SLC5A7: variants seen among roughly 807,000 people sequenced by gnomAD.
SLC5A7 encodes the protein high affinity choline transporter 1.
Under a neutral mutation model 55.4 loss-of-function variants are expected in SLC5A7, and 19 were observed. The ratio of observed to expected loss-of-function variants is 0.34; its 90% CI spans 0.24 to 0.50. The LOEUF is 0.50. Ranked by LOEUF, SLC5A7 falls within the 20% of genes least tolerant of loss-of-function variation. The probability of loss-of-function intolerance (pLI) is 0.98; values close to 1 mark genes in which losing one functional copy is unlikely to be tolerated. For synonymous variants in SLC5A7, 265 were observed against 263.7 expected (o/e 1.00, Z -0.05); for missense variants, 506 against 705.3 (o/e 0.72, Z 3.20).
At chr2:108,004,502 T>C (rs1456365831) in intron 6 of SLC5A7, among the ~76,000 whole-genome samples, 1 of 152,196 alleles carries the variant, frequency 6.6e-6, no homozygotes, top group Non-Finnish European at 1.5e-5. Context: ...CAGAGCCCAG[T>C]GAGAGAGACA....
intron 5 of SLC5A7, 137 bp downstream of exon 5, chr2:107,998,123 A>T (rs1677746756): frequency 3.6e-6 from 3 of 840,396 alleles, no homozygotes; most frequent in Non-Finnish European, 5.0e-6. Context: ...ATGAAATTTC[A>T]AATTTCTCCA....
intron 7 of SLC5A7, among the ~76,000 whole-genome samples, chr2:108,006,804 T>G (rs370793678): frequency 2.0e-5 from 3 of 152,154 alleles, no homozygotes; most frequent in African/African-American, 7.2e-5. Flanking sequence ...AGTCACAGGC[T>G]TAGAGACGTT....
intron 2 of SLC5A7, among the ~76,000 whole-genome samples, chr2:107,989,039 G>A (rs567857513): frequency 6.6e-6 from 1 of 152,292 alleles, no homozygotes; most frequent in East Asian, 1.9e-4. Context: ...GTGTTAGCAG[G>A]AGCTGATATT....
At position 107,992,217 on chromosome 2, in the gene SLC5A7, T is replaced by A; in HGVS notation, c.290T>A (p.Leu97Ter). Residue 97 changes from leucine (L) to a stop codon, truncating the protein, a stop_gained and splice_region_variant, in exon 3 of 9, where the codon TTA becomes TAA. Transcript: ENST00000264047. LOFTEE classifies it high-confidence loss of function. ...APIGYSLSLILGGLFFAKPMR... is the reference protein window; with the variant it reads ...APIGYSLSLI ...ATTGGATATTCTCTTAGTCTGATTT[T>A]AGGTAAGTGAAAGTGCAAATCTCAG... 1 of 1,600,322 alleles carries A rather than the reference T, an allele frequency of 6.2e-7. No individual in the cohort carries two copies. The highest frequency in any genetic ancestry group is 8.6e-7 in the Non-Finnish European group (1 of 1,167,654).
At chr2:108,007,007 A>G (rs1678150091) in intron 7 of SLC5A7, among the ~76,000 whole-genome samples, 1 of 152,198 alleles carries the variant, frequency 6.6e-6, no homozygotes, top group Non-Finnish European at 1.5e-5. Context: ...GAGCATTATG[A>G]AATGTTTATC....
chr2:108,006,144 C>T lies in SLC5A7; in HGVS notation c.837C>T (p.Phe279=), dbSNP rs369809428. Reference sequence around the variant, plus strand: ...AAGTGCTGTCCTTCCTGGCAGCTTTCGGGTGCCTGGTGATGGCCATCCCAG... The same window carrying T: ...AAGTGCTGTCCTTCCTGGCAGCTTTTGGGTGCCTGGTGATGGCCATCCCAG... The part of the protein sequence containing the change: ...YAQVLSFLAA[F]GCLVMAIPAI... The change falls in exon 7 of 9, where the codon TTC becomes TTT. Residue 279 remains phenylalanine (F), a synonymous_variant. Transcript: ENST00000264047. The T allele has an allele frequency of 4.0e-5, 65 of 1,614,030 alleles. No homozygotes were observed. The South Asian group carries it at 5.3e-4, about 13-fold the overall frequency.
At chr2:108,006,848 C>CT (rs1678143174) in intron 7 of SLC5A7, among the ~76,000 whole-genome samples, 1 of 152,152 alleles carries the variant, frequency 6.6e-6, no homozygotes, top group African/African-American at 2.4e-5. Flanking sequence ...CTAAAGATCA[C>CT]TTTGAACTTG....
chr2:107,999,669 A>C (rs981105513), intron 5 of SLC5A7, among the ~76,000 whole-genome samples: 1 of 152,176 alleles, frequency 6.6e-6, no homozygotes, highest in Non-Finnish European at 1.5e-5. Flanking sequence ...CTTACCCCTT[A>C]GACCACCTTC....
intron 4 of SLC5A7, among the ~76,000 whole-genome samples, chr2:107,994,510 C>T (rs193021739): frequency 1.1e-4 from 17 of 151,984 alleles, no homozygotes; most frequent in Non-Finnish European, 2.1e-4. Context: ...GGCGTGAACC[C>T]GGGAGGCAGA....
intron 8 of SLC5A7, 91 bp from the exon 9 acceptor site, chr2:108,010,141 A>C: frequency 6.8e-7 from 1 of 1,463,174 alleles, no homozygotes; most frequent in South Asian, 1.4e-5. Flanking sequence ...AATTCTTTAG[A>C]CCAGTTTTGA....
chr2:107,999,347 A>G (rs1677797663), intron 5 of SLC5A7, among the ~76,000 whole-genome samples: 1 of 152,182 alleles, frequency 6.6e-6, no homozygotes, highest in African/African-American at 2.4e-5. Context: ...AGCTCTCATA[A>G]CTGATGCACT....
intron 4 of SLC5A7, among the ~76,000 whole-genome samples, chr2:107,997,152 T>A (rs1677701206): frequency 6.6e-6 from 1 of 152,220 alleles, no homozygotes; most frequent in Non-Finnish European, 1.5e-5. Context: ...CGTTTGGTAA[T>A]GTAATGACGT....
intron 5 of SLC5A7, among the ~76,000 whole-genome samples, chr2:108,001,230 GA>G (rs1677881994): frequency 1.3e-5 from 2 of 148,192 alleles, no homozygotes; most frequent in African/African-American, 5.0e-5. Flanking sequence ...TGTGTGTGTA[GA>G]TAGACAGTCA....
rs750567333 is a variant in SLC5A7, at chr2:108,006,189, T to C, written c.882T>C (p.Ile294=). 1.9e-6 allele frequency: 3 copies of C among 1,613,990 alleles called. No homozygotes were observed. The highest frequency in any genetic ancestry group is 3.3e-5 in the Admixed American group (2 of 60,012). ...TCCCAGCCATACTCATTGGGGCCAT[T>C]GGAGCATCAACAGGTAAATCTCTTG... ...MAIPAILIGA[I]GASTDWNQTA... is the part of the protein sequence containing the mutation. Residue 294 remains isoleucine, a synonymous_variant, in exon 7 of 9, where the codon ATT becomes ATC. Coordinates refer to ENST00000264047, the MANE Select transcript of SLC5A7 (RefSeq NM_021815.5).
chr2:107,993,096 GT>G lies in SLC5A7; in HGVS notation c.419del (p.Phe140SerfsTer16). Reference protein sequence around the residue: ...LFIPALMGEMFWAAAIFSALG... With the variant: ...LFIPALMGEMXWAAAIFSALG... ...TTATTCCTGCACTGATGGGAGAAAT[GT>G]TCTGGGCTGCAGCAATTTTCTCTGC... On this transcript the variant is annotated frameshift_variant, in exon 4 of 9. Transcript: ENST00000264047. LOFTEE classifies it high-confidence loss of function. 1 of 1,614,188 alleles carries G rather than the reference GT, an allele frequency of 6.2e-7. No homozygotes were observed. Among genetic ancestry groups the G allele is most frequent in the Non-Finnish European group, 8.5e-7 (1 of 1,180,014 alleles).
At chr2:108,002,855 A>T (rs1677969239) in intron 6 of SLC5A7, among the ~76,000 whole-genome samples, 2 of 146,084 alleles carry the variant, frequency 1.4e-5, no homozygotes, top group Non-Finnish European at 2.9e-5. Context: ...CCATCTCTAT[A>T]AAAAAAAATC....
intron 6 of SLC5A7, among the ~76,000 whole-genome samples, chr2:108,005,742 G>A (rs1573611934): frequency 6.6e-6 from 1 of 152,156 alleles, no homozygotes; most frequent in African/African-American, 2.4e-5. Context: ...ATGGTGGAAG[G>A]AAAAAAACTC....
chr2:108,000,925 CT>C lies in SLC5A7; in HGVS notation c.598-951del, dbSNP rs1170263457. ...TATTTATTTATTTTTTAATACAATT[CT>C]TTTTTTTTTTTTTTTTTTTTGAGAT... On this transcript the variant is annotated intron_variant, in intron 5 of 8. Coordinates refer to ENST00000264047, the MANE Select transcript of SLC5A7 (RefSeq NM_021815.5). Among the ~76,000 whole-genome samples the C allele has an allele frequency of 5.1e-3, 576 of 112,506 alleles. 1 individual carries two copies. The highest frequency in any genetic ancestry group is 0.02 in the East Asian group (77 of 3,816). The allele number at this position is 112,506 out of a possible 152,430, so 73.8% of individuals were successfully genotyped here. A position where few individuals can be genotyped will look rare whatever the true frequency, so the allele number is the denominator to read the frequency against.
chr2:108,006,104 C>T lies in SLC5A7; in HGVS notation c.797C>T (p.Ser266Leu). ...TTTCAGAGGGTTCTCTCTTCTTCCTCAGCCACCTATGCTCAAGTGCTGTCC... is the reference window on the plus strand; with the variant it reads ...TTTCAGAGGGTTCTCTCTTCTTCCTTAGCCACCTATGCTCAAGTGCTGTCC... Reference protein sequence around the residue: ...AYFQRVLSSSSATYAQVLSFL... With the variant: ...AYFQRVLSSSLATYAQVLSFL... The change falls in exon 7 of 9, where the codon TCA becomes TTA. Residue 266 changes from serine (S) to leucine (L), a missense_variant. Ser to Leu is a moderately radical substitution (Grantham distance 145). Around this residue, in one of 4 missense-constraint regions of SLC5A7, gnomAD observed 309 missense variants for 478.6 expected, o/e 0.65. Transcript: ENST00000264047. The T allele has an allele frequency of 6.2e-7, 1 of 1,614,168 alleles. No homozygotes were observed. The highest frequency in any genetic ancestry group is 8.5e-7 in the Non-Finnish European group (1 of 1,180,012).
Sources: gnomAD v4.1 joint callset for allele counts (sites outside exome capture counted in the v4.1 genomes callset) on GRCh38, gnomAD v4.1.1 for gene constraint, gnomAD v4.1.1 regional missense constraint, MANE v1.5 for transcripts, NCBI Gene and HGNC (gene_info 2026-07-23, HGNC 2026-07-21) for gene names.